PBLD: variants seen among roughly 807,000 people sequenced by gnomAD.
PBLD encodes phenazine biosynthesis like protein domain containing.
Under a neutral mutation model 31.3 loss-of-function variants are expected in PBLD, and 26 were observed. That is an observed-to-expected ratio of 0.83 (90% CI 0.61 to 1.15). The LOEUF (loss-of-function observed/expected upper bound fraction) is 1.15, where lower values mean the gene tolerates loss of function less well. PBLD is among the 50% of genes most tolerant of loss of function. The probability of loss-of-function intolerance (pLI) is 0.00; values close to 1 mark genes in which losing one functional copy is unlikely to be tolerated. For missense variants in PBLD, 307 were observed against 351.7 expected (o/e 0.87, Z 1.02); for synonymous variants, 114 against 129.0 (o/e 0.88, Z 0.79).
chr10:68,286,298 G>T (rs1416020149), intron 8 of PBLD, among the ~76,000 whole-genome samples: 1 of 151,616 alleles, frequency 6.6e-6, no homozygotes, highest in Non-Finnish European at 1.5e-5. Context: ...ATGTTGGCCA[G>T]GCTGGTCTTG....
At chr10:68,317,141 A>G (rs951644783) in intron 1 of PBLD, among the ~76,000 whole-genome samples, 3 of 152,248 alleles carry the variant, frequency 2.0e-5, no homozygotes, top group Non-Finnish European at 4.4e-5. Context: ...AGGCAGTAAA[A>G]TGATATACTC....
At chr10:68,331,130 C>G (rs531107693) in intron 1 of PBLD, 1 of 152,358 alleles carries the variant, frequency 6.6e-6, no homozygotes, top group African/African-American at 2.4e-5. Context: ...CCCTCGGCCT[C>G]TCAAAGGCGT....
intron 1 of PBLD, among the ~76,000 whole-genome samples, chr10:68,324,155 T>TC (rs1184968097): frequency 6.8e-6 from 1 of 147,104 alleles, no homozygotes; most frequent in Non-Finnish European, 1.5e-5. Flanking sequence ...CTCCTAATTT[T>TC]CTTTTTTTTT....
At chr10:68,324,735 C>T (rs1478543678) in intron 1 of PBLD, among the ~76,000 whole-genome samples, 2 of 152,090 alleles carry the variant, frequency 1.3e-5, no homozygotes, top group Middle Eastern at 3.4e-3. Flanking sequence ...CTGCCTCAGC[C>T]TCCCAAGTAG....
intron 1 of PBLD, among the ~76,000 whole-genome samples, chr10:68,330,068 A>G (rs901795586): frequency 5.3e-5 from 8 of 152,210 alleles, no homozygotes; most frequent in Non-Finnish European, 1.0e-4. Flanking sequence ...CTGAAAAATA[A>G]ATATGAGCCA....
intron 1 of PBLD, among the ~76,000 whole-genome samples, chr10:68,314,916 A>G (rs891171294): frequency 6.6e-6 from 1 of 151,978 alleles, no homozygotes; most frequent in Non-Finnish European, 1.5e-5. Flanking sequence ...CAGCCTCCCA[A>G]GTAGTTGGGA....
At chr10:68,314,152 T>C (rs2044705331) in intron 1 of PBLD, among the ~76,000 whole-genome samples, 1 of 152,018 alleles carries the variant, frequency 6.6e-6, no homozygotes. Context: ...AATTTTTGTA[T>C]TTTTAGTAGA....
At chr10:68,327,001 C>T (rs1180739992) in intron 1 of PBLD, among the ~76,000 whole-genome samples, 3 of 151,916 alleles carry the variant, frequency 2.0e-5, no homozygotes, top group Non-Finnish European at 2.9e-5. Flanking sequence ...GAGCTGAGAT[C>T]GCGCCACTGC....
At chr10:68,291,612 G>T (rs1428766792) in intron 6 of PBLD, among the ~76,000 whole-genome samples, 1 of 152,136 alleles carries the variant, frequency 6.6e-6, no homozygotes, top group Non-Finnish European at 1.5e-5. Context: ...GCACAGCCAT[G>T]CTCGGGGCCC....
intron 2 of PBLD, among the ~76,000 whole-genome samples, chr10:68,301,396 CA>C (rs1362749489): frequency 4.6e-5 from 7 of 152,264 alleles, no homozygotes; most frequent in Non-Finnish European, 7.4e-5. Flanking sequence ...ACAATGTTAA[CA>C]ATTGAACTCA....
intron 8 of PBLD, among the ~76,000 whole-genome samples, chr10:68,285,963 G>A (rs2044282112): frequency 6.6e-6 from 1 of 152,108 alleles, no homozygotes; most frequent in Admixed American, 6.6e-5. Flanking sequence ...TTACAGGTAT[G>A]AGCCACGGTG....
At chr10:68,306,612 A>C in intron 2 of PBLD, 149 bp downstream of exon 2, 1 of 603,968 alleles carries the variant, frequency 1.7e-6, no homozygotes. Context: ...GGTCAAAATC[A>C]ACTTGCATAC....
chr10:68,293,617 T>G (rs1413856146), intron 4 of PBLD, among the ~76,000 whole-genome samples: 2 of 152,204 alleles, frequency 1.3e-5, no homozygotes, highest in African/African-American at 4.8e-5. Flanking sequence ...TCATACCTTA[T>G]CTTATCTAAC....
At chr10:68,285,806 A>T (rs2044279568) in intron 8 of PBLD, among the ~76,000 whole-genome samples, 1 of 152,000 alleles carries the variant, frequency 6.6e-6, no homozygotes. Context: ...AGCCCCCCGC[A>T]AGTAGCTGGA....
In PBLD at chr10:68,284,167, A is replaced by G. The variant is rs528407817; in HGVS notation, c.*10T>C. 6.2e-6 allele frequency: 10 copies of G among 1,604,478 alleles called. No homozygotes were observed. In the Admixed American group the frequency reaches 1.3e-4, roughly 21 times the overall value. ...TGGTTAGAGACAGCAGCGTCACAGC[A>G]TAACCACCTCTAGGCTGTCAGTGTG... On this transcript the variant is annotated 3_prime_UTR_variant, in exon 10 of 10. Transcript: ENST00000358769.
intron 1 of PBLD, among the ~76,000 whole-genome samples, chr10:68,309,805 C>CAAAA (rs757212310): frequency 1.5e-5 from 2 of 131,882 alleles, no homozygotes; most frequent in African/African-American, 2.9e-5. Flanking sequence ...GACTCCGTCT[C>CAAAA]AAAAAAAAAA....
rs1460101749 is a variant in PBLD, at chr10:68,296,526, A to C, written c.185-162T>G. ...CTAGGCAAGCATCCTAGGGCTCCCC[A>C]GTGCTAGATCTGGAATGGAAACATT... On this transcript the variant is annotated intron_variant, in intron 3 of 9. Transcript: ENST00000358769. Among the ~76,000 whole-genome samples the C allele has an allele frequency of 3.9e-5, 6 of 152,340 alleles. No homozygotes were observed. The East Asian group carries it at 7.7e-4, about 20-fold the overall frequency.
chr10:68,284,020 T>TA lies in PBLD; in HGVS notation c.*156dup. On this transcript the variant is annotated 3_prime_UTR_variant, in exon 10 of 10. Coordinates refer to ENST00000358769, the MANE Select transcript of PBLD (RefSeq NM_022129.4). The stretch of plus-strand genomic sequence containing the variant: ...CCTTGGCCTCTCAAAGTGCTACGAT[T>TA]ACAGGCATGAGCCACTGCGCCTGGC... 1.6e-6 allele frequency: 1 copy of TA among 606,782 alleles called. No homozygotes were observed. Among genetic ancestry groups the TA allele is most frequent in the Non-Finnish European group, 2.8e-6 (1 of 356,212 alleles). The allele number at this position is 606,782 out of a possible 1,614,324, so 37.6% of individuals were successfully genotyped here.
intron 1 of PBLD, among the ~76,000 whole-genome samples, chr10:68,322,257 G>C (rs2044845976): frequency 6.6e-6 from 1 of 152,112 alleles, no homozygotes; most frequent in South Asian, 2.1e-4. Flanking sequence ...AGATGCTAAG[G>C]AGACATGATG....
Sources: allele counts gnomAD v4.1 joint callset (sites outside exome capture counted in the v4.1 genomes callset), GRCh38; gene constraint gnomAD v4.1.1; transcripts MANE v1.5; gene names NCBI Gene and HGNC (gene_info 2026-07-23, HGNC 2026-07-21).